Variants in STK38L observed in about 807,000 individuals in gnomAD.
STK38L encodes serine/threonine kinase 38 like, also known as serine/threonine-protein kinase 38-like.
A neutral mutation model predicts 59.7 loss-of-function variants in STK38L; 28 were observed. That is an observed-to-expected ratio of 0.47 (90% CI 0.35 to 0.64). STK38L has a LOEUF of 0.64. Ranked by LOEUF, STK38L falls within the 30% of genes least tolerant of loss-of-function variation. The pLI is 0.01. For synonymous variants in STK38L, 162 were observed against 176.8 expected, an observed-to-expected ratio of 0.92 and a Z score of 0.66; for missense variants, 314 against 555.8, an observed-to-expected ratio of 0.56 and a Z score of 4.37.
chr12:27,301,771 G>A (rs113387166), intron 2 of STK38L, among the ~76,000 whole-genome samples: 1 of 152,258 alleles, frequency 6.6e-6, no homozygotes, highest in African/African-American at 2.4e-5. Flanking sequence ...CTTTTAGTCA[G>A]TATAGTTATC....
chr12:27,263,190 TAA>T (rs1943238084), intron 1 of STK38L, among the ~76,000 whole-genome samples: 1 of 152,166 alleles, frequency 6.6e-6, no homozygotes, highest in Non-Finnish European at 1.5e-5. Context: ...TGAAGACTCT[TAA>T]GGAGTTCATA....
intron 2 of STK38L, chr12:27,300,608 G>T: frequency 2.2e-6 from 1 of 456,078 alleles, no homozygotes; most frequent in Non-Finnish European, 4.4e-6. Context: ...AGGGGTAGGT[G>T]ATGGCAGCAC....
At chr12:27,319,258 T>G in intron 11 of STK38L, 70 bp from the exon 12 acceptor site, 2 of 905,210 alleles carry the variant, frequency 2.2e-6, no homozygotes, top group African/African-American at 1.7e-5. Context: ...AAAGAAATAT[T>G]TGAAGTAATG....
intron 3 of STK38L, among the ~76,000 whole-genome samples, chr12:27,305,476 C>G (rs936091292): frequency 1.3e-5 from 2 of 152,032 alleles, no homozygotes; most frequent in Non-Finnish European, 2.9e-5. Context: ...ATGCTAGAGC[C>G]TGGATTATAT....
chr12:27,310,645 T>G (rs1343399411), intron 5 of STK38L, among the ~76,000 whole-genome samples: 1 of 152,226 alleles, frequency 6.6e-6, no homozygotes, highest in Non-Finnish European at 1.5e-5. Flanking sequence ...TTAGGTTACA[T>G]AAACTGTATT....
intron 1 of STK38L, among the ~76,000 whole-genome samples, chr12:27,267,164 T>G (rs1392294951): frequency 6.6e-6 from 1 of 152,216 alleles, no homozygotes; most frequent in African/African-American, 2.4e-5. Flanking sequence ...TTGCCCATCA[T>G]TCATCTAAAG....
chr12:27,298,817 AG>A (rs1944094432), intron 2 of STK38L, among the ~76,000 whole-genome samples: 2 of 152,366 alleles, frequency 1.3e-5, no homozygotes, highest in South Asian at 4.1e-4. Flanking sequence ...GCTCAAGCAC[AG>A]GATGTGCTAG....
Position 27,325,210 on chromosome 12 carries a change from A to G in STK38L, c.*2755A>G, listed in dbSNP as rs982499482. ...TTGCTTATAAACCAGCCACTTCTGA[A>G]TACAATATGTAGCTGATTTAATAAG... On this transcript the variant is annotated 3_prime_UTR_variant, in exon 14 of 14. Transcript: ENST00000389032. 2.6e-5 allele frequency: 4 copies of G among 152,180 alleles called. No homozygotes were observed. Among genetic ancestry groups the G allele is most frequent in the African/African-American group, 9.6e-5 (4 of 41,470 alleles). 9.4% of individuals were successfully genotyped at this position (152,180 alleles called of 1,614,324 possible).
chr12:27,264,405 G>A (rs1426053506), intron 1 of STK38L, among the ~76,000 whole-genome samples: 2 of 152,210 alleles, frequency 1.3e-5, no homozygotes, highest in Non-Finnish European at 2.9e-5. Context: ...TAAAGAACCT[G>A]AAATGGGAAT....
At chr12:27,287,545 G>A (rs968823371) in intron 1 of STK38L, among the ~76,000 whole-genome samples, 1 of 152,096 alleles carries the variant, frequency 6.6e-6, no homozygotes, top group Non-Finnish European at 1.5e-5. Flanking sequence ...AGTTTTCATT[G>A]TACTGATTTC....
At chr12:27,253,853 T>G (rs1457691942) in intron 1 of STK38L, among the ~76,000 whole-genome samples, 1 of 152,202 alleles carries the variant, frequency 6.6e-6, no homozygotes, top group African/African-American at 2.4e-5. Context: ...CAATGAACTT[T>G]TATTTGCTGT....
chr12:27,312,960 T>C (rs1488218346), intron 6 of STK38L, among the ~76,000 whole-genome samples: 2 of 152,220 alleles, frequency 1.3e-5, no homozygotes, highest in Non-Finnish European at 2.9e-5. Context: ...AAAAAATACC[T>C]GAGACTGGAT....
intron 11 of STK38L, among the ~76,000 whole-genome samples, chr12:27,318,284 G>C (rs554165969): frequency 6.6e-6 from 1 of 152,326 alleles, no homozygotes; most frequent in East Asian, 1.9e-4. Flanking sequence ...AGAATGCAAT[G>C]ACCTGATTCC....
At chr12:27,252,413 A>G (rs924561783) in intron 1 of STK38L, among the ~76,000 whole-genome samples, 1 of 135,134 alleles carries the variant, frequency 7.4e-6, no homozygotes, top group African/African-American at 2.7e-5. Flanking sequence ...TTGACATACT[A>G]TCTTGTACTA....
At chr12:27,318,730 G>A (rs7138905) in intron 11 of STK38L, among the ~76,000 whole-genome samples, 10,524 of 152,194 alleles carry the variant, frequency 0.069, 489 homozygotes, top group Non-Finnish European at 0.11. Flanking sequence ...AGCAGCTCAT[G>A]CCTGGAATCC....
chr12:27,297,916 T>C (rs759424496), intron 2 of STK38L, 62 bp downstream of exon 2: 241 of 1,579,430 alleles, frequency 1.5e-4, no homozygotes, highest in Non-Finnish European at 1.9e-4. Context: ...GTGAGTGGAA[T>C]AGAAACTTGT....
Position 27,247,775 on chromosome 12 carries a change from A to G in STK38L, c.-12+3443A>G, listed in dbSNP as rs561905701. On this transcript the variant is annotated intron_variant, in intron 1 of 13. Coordinates refer to ENST00000389032, the MANE Select transcript of STK38L (RefSeq NM_015000.4). Reference sequence around the variant, plus strand: ...TCTTCTTGCCTCCTAAGTTGCAGGAACTATAGGCCTGAGCCACTGTGTTTG... The same window carrying G: ...TCTTCTTGCCTCCTAAGTTGCAGGAGCTATAGGCCTGAGCCACTGTGTTTG... Among the ~76,000 whole-genome samples, 5 of 149,650 alleles carry G rather than the reference A, an allele frequency of 3.3e-5. No individual in the cohort carries two copies. The South Asian group carries it at 1.1e-3, about 32-fold the overall frequency.
At chr12:27,293,560 T>G (rs1943942351) in intron 1 of STK38L, 1 of 151,698 alleles carries the variant, frequency 6.6e-6, no homozygotes, top group African/African-American at 2.4e-5. Context: ...ATAAAGTGAC[T>G]TCCAGAATTT....
In STK38L at chr12:27,324,981, C is replaced by T. The variant is rs967707893; in HGVS notation, c.*2526C>T. The T allele has an allele frequency of 4.0e-5, 6 of 151,796 alleles. No individual in the cohort carries two copies. Among genetic ancestry groups the T allele is most frequent in the African/African-American group, 9.7e-5 (4 of 41,338 alleles). 9.4% of individuals were successfully genotyped at this position (151,796 alleles called of 1,614,324 possible). ...GAATTAAAAGAGTTTTATTATAAAC[C>T]GTGTGTTTTTGGTTTTTCTAAGTAT... On this transcript the variant is annotated 3_prime_UTR_variant, in exon 14 of 14. Transcript: ENST00000389032.
Sources: gnomAD v4.1 joint callset for allele counts (sites outside exome capture counted in the v4.1 genomes callset) on GRCh38, gnomAD v4.1.1 for gene constraint, MANE v1.5 for transcripts, NCBI Gene and HGNC (gene_info 2026-07-23, HGNC 2026-07-21) for gene names.